The following LDLRAD4 variants were observed in gnomAD, a reference collection of about 807,000 sequenced individuals.
LDLRAD4 encodes low density lipoprotein receptor class A domain containing 4, also known as low-density lipoprotein receptor class A domain-containing protein 4.
Under a neutral mutation model 17.0 loss-of-function variants are expected in LDLRAD4, and 5 were observed. The ratio of observed to expected loss-of-function variants is 0.29; its 90% confidence interval spans 0.15 to 0.62. The LOEUF is 0.62. Among genes scored for constraint, LDLRAD4 ranks in the 20% least tolerant of loss-of-function variants. The pLI is 0.84. For synonymous variants in LDLRAD4, 168 were observed against 171.8 expected, an observed-to-expected ratio of 0.98 and a Z score of 0.17; for missense variants, 340 against 424.7, an observed-to-expected ratio of 0.80 and a Z score of 1.75.
intron 3 of LDLRAD4, among the ~76,000 whole-genome samples, chr18:13,596,133 T>A (rs189168402): frequency 2.0e-5 from 3 of 152,344 alleles, no homozygotes; most frequent in African/African-American, 7.2e-5. Flanking sequence ...TTTTTTATTA[T>A]CCCTTGTAAC....
At chr18:13,627,105 A>G (rs988140123) in intron 4 of LDLRAD4, among the ~76,000 whole-genome samples, 2 of 152,062 alleles carry the variant, frequency 1.3e-5, no homozygotes, top group Admixed American at 6.6e-5. Context: ...CCTTGTCTCT[A>G]CTCAAAAATA....
chr18:13,609,075 A>T (rs147919143), intron 3 of LDLRAD4, among the ~76,000 whole-genome samples: 5 of 152,226 alleles, frequency 3.3e-5, no homozygotes, highest in African/African-American at 1.2e-4. Context: ...TACGTGAAAG[A>T]TGCGATGTAA....
chr18:13,613,327 C>T (rs1181263548), intron 3 of LDLRAD4: 1 of 152,350 alleles, frequency 6.6e-6, no homozygotes, highest in Admixed American at 6.5e-5. Context: ...TCAGAAGCCA[C>T]CACTCTCCCC....
At chr18:13,587,624 T>C (rs779636865) in intron 3 of LDLRAD4, among the ~76,000 whole-genome samples, 1 of 152,236 alleles carries the variant, frequency 6.6e-6, no homozygotes, top group Non-Finnish European at 1.5e-5. Flanking sequence ...AATAGACACA[T>C]GATAGTAGGT....
chr18:13,545,111 G>A lies in LDLRAD4; in HGVS notation c.182-76006G>A, dbSNP rs1049496596. Among the ~76,000 whole-genome samples, 12 of 152,222 alleles carry A rather than the reference G, an allele frequency of 7.9e-5. 1 individual carries two copies. Among genetic ancestry groups the A allele is most frequent in the Middle Eastern group, 6.8e-3 (2 of 294 alleles). On this transcript the variant is annotated intron_variant, in intron 3 of 5. Coordinates refer to ENST00000359446, the Ensembl canonical transcript of LDLRAD4. ...GAAGGTCCTCAGCTGAGAGAGTGGG[G>A]TGGTGTTAGTGGCCTCCTCTTGATG...
intron 2 of LDLRAD4, among the ~76,000 whole-genome samples, chr18:13,401,913 C>T (rs1301476247): frequency 6.6e-6 from 1 of 152,184 alleles, no homozygotes; most frequent in East Asian, 1.9e-4. Flanking sequence ...GGAAGTTACT[C>T]TCACGCTTCC....
chr18:13,450,949 G>A (rs531786895), intron 3 of LDLRAD4, among the ~76,000 whole-genome samples: 1 of 152,276 alleles, frequency 6.6e-6, no homozygotes, highest in African/African-American at 2.4e-5. Context: ...AGAAAGCCAG[G>A]GATGTCAGGC....
intron 3 of LDLRAD4, among the ~76,000 whole-genome samples, chr18:13,527,692 G>A (rs551089259): frequency 1.2e-4 from 19 of 152,306 alleles, no homozygotes; most frequent in African/African-American, 3.8e-4. Context: ...AGGGAGAAAC[G>A]AGGCAGAGTG....
intron 4 of LDLRAD4, 62 bp from the exon 6 acceptor site, chr18:13,643,297 G>T: frequency 9.3e-7 from 1 of 1,070,098 alleles, no homozygotes; most frequent in Non-Finnish European, 1.4e-6. Flanking sequence ...TAGGTGCGGC[G>T]GGGCTAATGA....
At chr18:13,267,312 G>A (rs1323119285) in intron 1 of LDLRAD4, among the ~76,000 whole-genome samples, 1 of 152,230 alleles carries the variant, frequency 6.6e-6, no homozygotes, top group Non-Finnish European at 1.5e-5. Context: ...TCACGCGTGT[G>A]TGTGTCTGTG....
chr18:13,436,836 G>T (rs990211451), intron 2 of LDLRAD4, among the ~76,000 whole-genome samples: 3 of 152,224 alleles, frequency 2.0e-5, no homozygotes, highest in Non-Finnish European at 4.4e-5. Context: ...TGTGCATTTG[G>T]GCTGTGTTCA....
At chr18:13,617,104 CTTT>C (rs74886341) in intron 3 of LDLRAD4, among the ~76,000 whole-genome samples, 1 of 143,366 alleles carries the variant, frequency 7.0e-6, no homozygotes. Flanking sequence ...GGGGCCTTTA[CTTT>C]TTTTTTTTTT....
intron 2 of LDLRAD4, among the ~76,000 whole-genome samples, chr18:13,431,164 A>G (rs1488398853): frequency 6.6e-6 from 1 of 152,216 alleles, no homozygotes; most frequent in East Asian, 1.9e-4. Context: ...AAGAAACTTG[A>G]AAGTTATTAA....
intron 3 of LDLRAD4, among the ~76,000 whole-genome samples, chr18:13,477,957 G>A (rs2092987228): frequency 6.6e-6 from 1 of 152,224 alleles, no homozygotes; most frequent in Admixed American, 6.5e-5. Flanking sequence ...ATCAACGAAG[G>A]ATACCAAAGG....
intron 1 of LDLRAD4, among the ~76,000 whole-genome samples, chr18:13,318,038 G>A (rs184333032): frequency 3.9e-5 from 6 of 152,116 alleles, no homozygotes; most frequent in Admixed American, 1.3e-4. Flanking sequence ...CTGCATTACC[G>A]TGTGGTTGAG....
chr18:13,283,902 T>A (rs1216600206), intron 1 of LDLRAD4, among the ~76,000 whole-genome samples: 1 of 152,144 alleles, frequency 6.6e-6, no homozygotes, highest in African/African-American at 2.4e-5. Context: ...AAAAGGCACT[T>A]CTTACAGGGC....
intron 1 of LDLRAD4, among the ~76,000 whole-genome samples, chr18:13,378,557 T>C (rs1163298041): frequency 6.6e-6 from 1 of 152,226 alleles, no homozygotes; most frequent in East Asian, 1.9e-4. Flanking sequence ...GTCAAATTTA[T>C]TATTTTTCTT....
intron 1 of LDLRAD4, among the ~76,000 whole-genome samples, chr18:13,303,481 C>T (rs1422012739): frequency 6.6e-6 from 1 of 152,040 alleles, no homozygotes; most frequent in African/African-American, 2.4e-5. Flanking sequence ...TGCCCTCCTT[C>T]TCTCCTTTTC....
At chr18:13,545,361 A>G (rs938871114) in intron 3 of LDLRAD4, among the ~76,000 whole-genome samples, 7 of 152,222 alleles carry the variant, frequency 4.6e-5, no homozygotes, top group African/African-American at 9.6e-5. Context: ...TCCAAGTTAT[A>G]TATCAACGAA....
Sources: gnomAD v4.1 joint callset for allele counts (sites outside exome capture counted in the v4.1 genomes callset) on GRCh38, gnomAD v4.1.1 for gene constraint, MANE v1.5 for transcripts, NCBI Gene and HGNC (gene_info 2026-07-23, HGNC 2026-07-21) for gene names.